Variants in CCDC59 observed in about 807,000 individuals in gnomAD.
The protein encoded by CCDC59 is coiled-coil domain containing 59.
In CCDC59, 27 loss-of-function variants were observed where a neutral mutation model predicts 30.5. The observed-to-expected ratio is 0.89, with a 90% confidence interval of 0.65 to 1.22. The LOEUF (loss-of-function observed/expected upper bound fraction) is 1.22, where lower values mean the gene tolerates loss of function less well. Among genes scored for constraint, CCDC59 ranks in the 50% most tolerant of loss-of-function variants. The probability of loss-of-function intolerance (pLI) is 0.00; values close to 1 mark genes in which losing one functional copy is unlikely to be tolerated. For missense variants in CCDC59, 362 were observed against 284.4 expected (o/e 1.27, Z -1.96); for synonymous variants, 125 against 100.9 (o/e 1.24, Z -1.43).
intron 2 of CCDC59, 79 bp downstream of exon 2, chr12:82,356,881 A>T: frequency 8.8e-7 from 1 of 1,133,924 alleles, no homozygotes. Context: ...AAAAAATACA[A>T]TTCCTATATA....
chr12:82,356,197 A>AT (rs1881004195), intron 2 of CCDC59: 1 of 152,154 alleles, frequency 6.6e-6, no homozygotes, highest in African/African-American at 2.4e-5. Flanking sequence ...GCAATTTTAG[A>AT]TTTTAGCATT....
rs1880873239 is a variant in CCDC59 at position 82,352,998 on chromosome 12, A to T, written c.*153T>A. 2 of 575,842 alleles carry T rather than the reference A, an allele frequency of 3.5e-6. No individual in the cohort carries two copies. Among genetic ancestry groups the T allele is most frequent in the Non-Finnish European group, 5.7e-6 (2 of 348,662 alleles). 35.7% of individuals were successfully genotyped at this position (575,842 alleles called of 1,614,324 possible). ...GAAACATGTAGAACATATTTAGAAA[A>T]TTTTTTACCATAATAAAAATATGTG... On this transcript the variant is annotated 3_prime_UTR_variant, in exon 4 of 4. Transcript: ENST00000256151.
Position 82,353,139 on chromosome 12 carries a change from G to C in CCDC59, c.*12C>G. 6.3e-7 allele frequency: 1 copy of C among 1,591,768 alleles called. No individual in the cohort carries two copies. The highest frequency in any genetic ancestry group is 8.5e-7 in the Non-Finnish European group (1 of 1,171,646). On this transcript the variant is annotated 3_prime_UTR_variant, in exon 4 of 4. Coordinates refer to ENST00000256151, the MANE Select transcript of CCDC59 (RefSeq NM_014167.5). The stretch of plus-strand genomic sequence containing the variant: ...TAGGCAGCAGATATTTTAACCTGTA[G>C]GAACAAAATGTTTAACATTTTTCTT...
upstream of CCDC59, chr12:82,358,701 G>A (rs779100554): frequency 4.3e-6 from 7 of 1,614,090 alleles, no homozygotes; most frequent in East Asian, 2.2e-5. Flanking sequence ...CACAGAATCC[G>A]TGTGGGAGGA....
In CCDC59 at chr12:82,354,606, G is replaced by C. The variant is rs1219133103; in HGVS notation, c.465-12C>G. ...GAATTGTAAAGGAGCTTTTAATTGG[G>C]GGATGAGGAAACAGGACTTTATTAG... On this transcript the variant is annotated splice_polypyrimidine_tract_variant and intron_variant, in intron 2 of 3. Transcript: ENST00000256151. 2 of 1,559,800 alleles carry C rather than the reference G, an allele frequency of 1.3e-6. No individual in the cohort carries two copies. Among genetic ancestry groups the C allele is most frequent in the African/African-American group, 2.7e-5 (2 of 73,146 alleles).
intron 3 of CCDC59, among the ~76,000 whole-genome samples, chr12:82,353,613 G>A (rs4242870): frequency 0.92 from 140,626 of 152,178 alleles, 65,317 homozygotes; most frequent in East Asian, 1. Context: ...CTGATATACT[G>A]TTTCCAAAGG....
chr12:82,358,090 G>C (rs1311116934), intron 1 of CCDC59, 133 bp downstream of exon 1: 6 of 955,696 alleles, frequency 6.3e-6, no homozygotes, highest in Non-Finnish European at 9.4e-6. Context: ...GCTTTAGCGG[G>C]CTCAGGAATG....
chr12:82,357,976 T>C (rs1196503836), intron 1 of CCDC59, among the ~76,000 whole-genome samples: 1 of 151,996 alleles, frequency 6.6e-6, no homozygotes, highest in Non-Finnish European at 1.5e-5. Flanking sequence ...TCAGGAAAAA[T>C]ATAGGAAAAA....
At position 82,353,114 on chromosome 12, in the gene CCDC59, T is replaced by C. The variant is rs765569828; in HGVS notation, c.*37A>G. On this transcript the variant is annotated 3_prime_UTR_variant, in exon 4 of 4. Coordinates refer to ENST00000256151, the MANE Select transcript of CCDC59 (RefSeq NM_014167.5). ...AGGCACATGTCACAGAAGAACCTAA[T>C]AGGCAGCAGATATTTTAACCTGTAG... The C allele has an allele frequency of 4.5e-6, 7 of 1,544,708 alleles. No homozygotes were observed. The highest frequency in any genetic ancestry group is 2.8e-5 in the African/African-American group (2 of 72,522).
chr12:82,353,739 A>G (rs1207135735), intron 3 of CCDC59, among the ~76,000 whole-genome samples: 5 of 152,166 alleles, frequency 3.3e-5, no homozygotes, highest in Non-Finnish European at 7.4e-5. Context: ...CAATGAAAAC[A>G]TTTTTGATGT....
intron 2 of CCDC59, 146 bp from the exon 3 acceptor site, chr12:82,354,740 T>A (rs555127127): frequency 4.7e-5 from 28 of 591,564 alleles, no homozygotes; most frequent in African/African-American, 3.5e-4. Context: ...TAGGAAAAAA[T>A]ATAGAAAGCT....
At chr12:82,358,715 G>A (rs1248513584), upstream of CCDC59, 2 of 1,614,184 alleles carry the variant, frequency 1.2e-6, no homozygotes, top group Admixed American at 3.3e-5. Flanking sequence ...GGGAGGAGCT[G>A]GTCGACTTGC....
rs780594420 is a variant in CCDC59, at chr12:82,357,058, C to A, written c.366G>T (p.Pro122=). ...DHPLSEQVHQ[P]LLEEQCSIDE... is the part of the protein sequence containing the mutation. The stretch of plus-strand genomic sequence containing the variant: ...CAATGCTACACTGTTCTTCAAGCAA[C>A]GGCTGGTGAACTTGTTCTGACAAAG... Residue 122 remains proline, a synonymous_variant, in exon 2 of 4, where the codon CCG becomes CCT. Coordinates refer to ENST00000256151, the MANE Select transcript of CCDC59 (RefSeq NM_014167.5). 5 of 1,614,132 alleles carry A rather than the reference C, an allele frequency of 3.1e-6. No homozygotes were observed. The highest frequency in any genetic ancestry group is 1.7e-5 in the Admixed American group (1 of 60,026).
intron 3 of CCDC59, 107 bp from the exon 4 acceptor site, chr12:82,353,419 T>C (rs953324210): frequency 2.6e-5 from 23 of 876,844 alleles, no homozygotes; most frequent in Non-Finnish European, 3.9e-5. Flanking sequence ...GGTTTGTCTC[T>C]TCTATTTTGC....
chr12:82,354,681 TATATTAA>T (rs772388515), intron 2 of CCDC59, 87 bp from the exon 3 acceptor site: 262 of 1,159,978 alleles, frequency 2.3e-4, no homozygotes, highest in Non-Finnish European at 2.9e-4. Flanking sequence ...TTTAAGAGTA[TATATTAA>T]ATAAAAGGCA....
At chr12:82,357,332 C>G in intron 1 of CCDC59, 63 bp from the exon 2 acceptor site, 1 of 1,359,604 alleles carries the variant, frequency 7.4e-7, no homozygotes, top group Non-Finnish European at 1.0e-6. Flanking sequence ...AAGAATGGAG[C>G]TGTTAATTAC....
In CCDC59 at chr12:82,358,248, T is replaced by C. The variant is rs751199638; in HGVS notation, c.129A>G (p.Gln43=). The change falls in exon 1 of 4, where the codon CAA becomes CAG. Residue 43 remains glutamine (Q), a synonymous_variant. Transcript: ENST00000256151. ...CCTCGCGAACGCTCCCCACGAAGGC[T>C]TGCGGGTGGTTAGGCCGCCATGTCT... ...RQKTWRPNHP[Q]AFVGSVREGQ... is the part of the protein sequence containing the mutation. 9.3e-6 allele frequency: 15 copies of C among 1,614,112 alleles called. No homozygotes were observed. The highest frequency in any genetic ancestry group is 1.3e-5 in the Non-Finnish European group (15 of 1,180,050).
Position 82,358,310 on chromosome 12 carries a change from A to G in CCDC59, c.67T>C (p.Ser23Pro), listed in dbSNP as rs1881224817. Reference sequence around the variant, plus strand: ...TTCTTATTCCTGTACCCGACAGTGGAAACCCCTTCACCACGCGCCTCAATA... The same window carrying G: ...TTCTTATTCCTGTACCCGACAGTGGGAACCCCTTCACCACGCGCCTCAATA... ...GGIEARGEGV[S>P]TVGYRNKNVR... Residue 23 changes from serine to proline, a missense_variant, in exon 1 of 4, where the codon TCC becomes CCC. Physicochemically the swap from Ser to Pro is moderately conservative, Grantham distance 74 (BLOSUM62 -1). Transcript: ENST00000256151. 4 of 1,614,152 alleles carry G rather than the reference A, an allele frequency of 2.5e-6. No homozygotes were observed. The highest frequency in any genetic ancestry group is 3.4e-6 in the Non-Finnish European group (4 of 1,180,036).
At chr12:82,356,802 G>A (rs1881038384) in intron 2 of CCDC59, 158 bp downstream of exon 2, 2 of 579,506 alleles carry the variant, frequency 3.5e-6, no homozygotes, top group Non-Finnish European at 5.8e-6. Context: ...AGTTATTGAA[G>A]CTAAAAATAG....
Sources: allele counts gnomAD v4.1 joint callset (sites outside exome capture counted in the v4.1 genomes callset), GRCh38; gene constraint gnomAD v4.1.1; transcripts MANE v1.5; gene names NCBI Gene and HGNC (gene_info 2026-07-23, HGNC 2026-07-21).